Variants in THNSL1 observed in about 807,000 individuals in gnomAD.
THNSL1 encodes the protein threonine synthase-like 1.
In THNSL1, 48 loss-of-function variants were observed where a neutral mutation model predicts 50.4. The observed-to-expected ratio is 0.95, with a 90% confidence interval of 0.76 to 1.21. The LOEUF (loss-of-function observed/expected upper bound fraction) is 1.21. Among genes scored for constraint, THNSL1 ranks in the 50% most tolerant of loss-of-function variants. THNSL1 has a pLI of 0.00. For synonymous variants in THNSL1, 309 were observed against 306.1 expected, an observed-to-expected ratio of 1.01 and a Z score of -0.10; for missense variants, 896 against 871.7, an observed-to-expected ratio of 1.03 and a Z score of -0.35.
At chr10:25,011,840 C>T (rs189729866), upstream of THNSL1, among the ~76,000 whole-genome samples, 20 of 152,322 alleles carry the variant, frequency 1.3e-4, no homozygotes, top group East Asian at 3.9e-3. Context: ...TTCAAGCCAG[C>T]TGCAGAAATT....
the THNSL1 span, among the ~76,000 whole-genome samples, chr10:24,981,207 C>T: frequency 6.4e-4 from 97 of 152,168 alleles, 1 homozygote; most frequent in African/African-American, 2.0e-3. Context: ...AGAACAGTGA[C>T]GCATGGGCCC....
At chr10:25,008,273 G>A in the THNSL1 span, among the ~76,000 whole-genome samples, 3 of 152,100 alleles carry the variant, frequency 2.0e-5, no homozygotes, top group African/African-American at 7.2e-5. Context: ...GAATAGTCTA[G>A]ACTTTCTTTG....
chr10:24,967,995 ATGTGTGTG>A, the THNSL1 span, among the ~76,000 whole-genome samples: 1,129 of 139,740 alleles, frequency 8.1e-3, 12 homozygotes, highest in African/African-American at 0.024. Flanking sequence ...TATGTGTATG[ATGTGTGTG>A]TGTGTGTGTG....
the THNSL1 span, chr10:24,953,586 T>C: frequency 6.6e-6 from 1 of 152,342 alleles, no homozygotes; most frequent in African/African-American, 2.4e-5. Context: ...TGTCCACTCC[T>C]GTAGGTTCCT....
At chr10:24,988,662 A>ATG in the THNSL1 span, among the ~76,000 whole-genome samples, 339 of 106,712 alleles carry the variant, frequency 3.2e-3, 19 homozygotes, top group African/African-American at 0.011. Flanking sequence ...GACACAGCAT[A>ATG]TGTATATATA....
Sources: gnomAD v4.1 joint callset for allele counts (sites outside exome capture counted in the v4.1 genomes callset) on GRCh38, gnomAD v4.1.1 for gene constraint, MANE v1.5 for transcripts, NCBI Gene and HGNC (gene_info 2026-07-23, HGNC 2026-07-21) for gene names.